The following DNAAF5 variants were observed in gnomAD, a reference collection of about 807,000 sequenced individuals.
DNAAF5 encodes HEAT repeat containing 2.
A neutral mutation model predicts 75.8 loss-of-function variants in DNAAF5; 64 were observed. The observed-to-expected ratio is 0.84, with a 90% CI of 0.69 to 1.04. The LOEUF is 1.04. Ranked by LOEUF, DNAAF5 falls within the 50% of genes least tolerant of loss-of-function variation. DNAAF5 has a pLI of 0.00. For missense variants in DNAAF5, 1,269 were observed against 1,178.5 expected, an observed-to-expected ratio of 1.08 and a Z score of -1.12; for synonymous variants, 657 against 557.2, an observed-to-expected ratio of 1.18 and a Z score of -2.52.
At chr7:782,949 C>T (rs1402419149) in intron 12 of DNAAF5, among the ~76,000 whole-genome samples, 2 of 152,284 alleles carry the variant, frequency 1.3e-5, no homozygotes, top group Non-Finnish European at 2.9e-5. Flanking sequence ...AAACTCGGAT[C>T]GTCCTGGGGT....
intron 9 of DNAAF5, chr7:772,667 G>A: frequency 6.6e-6 from 1 of 152,466 alleles, no homozygotes; most frequent in Non-Finnish European, 1.5e-5. Flanking sequence ...GGACTATAGT[G>A]TCTTGGGGTC....
chr7:766,489 G>A (rs1562393374), intron 8 of DNAAF5, among the ~76,000 whole-genome samples: 2 of 152,106 alleles, frequency 1.3e-5, no homozygotes, highest in South Asian at 2.1e-4. Flanking sequence ...GAGGATGGGG[G>A]ATCTACAAAG....
chr7:784,623 T>G (rs1779091376), intron 12 of DNAAF5, among the ~76,000 whole-genome samples: 1 of 152,118 alleles, frequency 6.6e-6, no homozygotes, highest in African/African-American at 2.4e-5. Flanking sequence ...GCCTTCCTGA[T>G]TTTCATCATC....
intron 4 of DNAAF5, among the ~76,000 whole-genome samples, chr7:751,510 A>G (rs1782293025): frequency 6.6e-6 from 1 of 151,836 alleles, no homozygotes; most frequent in African/African-American, 2.4e-5. Context: ...TAAAAATAGA[A>G]AAAGACCCTT....
At chr7:752,123 C>T (rs989630696) in intron 4 of DNAAF5, among the ~76,000 whole-genome samples, 1 of 152,200 alleles carries the variant, frequency 6.6e-6, no homozygotes, top group Non-Finnish European at 1.5e-5. Context: ...CGCCCGCACG[C>T]GGACCACTGA....
intron 11 of DNAAF5, among the ~76,000 whole-genome samples, chr7:776,015 AGTTTGATG>A (rs886499475): frequency 1.3e-5 from 2 of 152,176 alleles, no homozygotes; most frequent in Admixed American, 1.3e-4. Context: ...ACTGTATTTA[AGTTTGATG>A]GTGGCTTGTT....
intron 6 of DNAAF5, among the ~76,000 whole-genome samples, 194 bp downstream of exon 6, chr7:757,188 C>T (rs1230218171): frequency 6.6e-6 from 1 of 152,258 alleles, no homozygotes; most frequent in African/African-American, 2.4e-5. Flanking sequence ...AACCGGAGTG[C>T]CCTCGCTGAT....
At chr7:746,932 C>G (rs182243392) in intron 4 of DNAAF5, among the ~76,000 whole-genome samples, 1 of 152,332 alleles carries the variant, frequency 6.6e-6, no homozygotes, top group Non-Finnish European at 1.5e-5. Context: ...CTGCTCTTTC[C>G]TCTCTGTGTC....
At position 754,632 on chromosome 7, in the gene DNAAF5, C is replaced by A. The variant is rs1399794302; in HGVS notation, c.1068C>A (p.Asn356Lys). The A allele has an allele frequency of 1.9e-6, 3 of 1,614,050 alleles. No homozygotes were observed. The highest frequency in any genetic ancestry group is 1.1e-5 in the South Asian group (1 of 91,090). Residue 356 changes from asparagine (N) to lysine (K), a missense_variant, in exon 5 of 13, where the codon AAC becomes AAA. Transcript: ENST00000297440. The surrounding 1 kb of genome is among the most constrained non-coding windows in gnomAD (Gnocchi z 4.8). ...GCTGCCGGGAGCTCGTCTTCAGGAA[C>A]CTCTCCAAGATCCTCCCTGCCCTGT... ...VLGCRELVFR[N>K]LSKILPALCH...
chr7:779,823 C>A, intron 11 of DNAAF5, 130 bp from the exon 12 acceptor site: 1 of 749,376 alleles, frequency 1.3e-6, no homozygotes, highest in South Asian at 1.8e-5. Flanking sequence ...CGGAGTCTCC[C>A]GTGAGGTGTG....
Position 729,648 on chromosome 7 carries a change from C to T in DNAAF5, c.596-15C>T, listed in dbSNP as rs1781498979. 2 of 1,608,676 alleles carry T rather than the reference C, an allele frequency of 1.2e-6. No individual in the cohort carries two copies. The highest frequency in any genetic ancestry group is 1.7e-6 in the Non-Finnish European group (2 of 1,176,478). On this transcript the variant is annotated splice_polypyrimidine_tract_variant and intron_variant, in intron 1 of 12. Transcript: ENST00000297440. ...GGGAGCAGCTCTGGTAACTGGGGGCCTCCCTGTCCCTCAGACCACTTCCAC... is the reference window on the plus strand; with the variant it reads ...GGGAGCAGCTCTGGTAACTGGGGGCTTCCCTGTCCCTCAGACCACTTCCAC...
At chr7:780,864 A>G (rs1336129826) in intron 12 of DNAAF5, among the ~76,000 whole-genome samples, 1 of 136,354 alleles carries the variant, frequency 7.3e-6, no homozygotes, top group Admixed American at 7.3e-5. Flanking sequence ...GTTGGTGAAT[A>G]TAATGACGTT....
chr7:757,403 C>T (rs994500459), intron 6 of DNAAF5, among the ~76,000 whole-genome samples: 2 of 152,234 alleles, frequency 1.3e-5, no homozygotes, highest in African/African-American at 4.8e-5. Flanking sequence ...GGGTCCACGT[C>T]ATCCCACCCC....
At chr7:784,754 A>G (rs1001943764) in intron 12 of DNAAF5, among the ~76,000 whole-genome samples, 3 of 152,178 alleles carry the variant, frequency 2.0e-5, no homozygotes, top group Admixed American at 6.5e-5. Flanking sequence ...CGCAAATTGG[A>G]TAAGAAAGTC....
Position 785,584 on chromosome 7 carries a change from C to T in DNAAF5, c.2499C>T (p.His833=). 6.2e-7 allele frequency: 1 copy of T among 1,613,368 alleles called. No homozygotes were observed. The highest frequency in any genetic ancestry group is 8.5e-7 in the Non-Finnish European group (1 of 1,180,008). Residue 833 remains histidine (H), a synonymous_variant, in exon 13 of 13, where the codon CAC becomes CAT. Coordinates refer to ENST00000297440, the MANE Select transcript of DNAAF5 (RefSeq NM_017802.4). ...TGAGGGAGACGGAGGCCGTCATCCACAAGCACCGCTCGGCCACCTACTGCG... is the reference window on the plus strand; with the variant it reads ...TGAGGGAGACGGAGGCCGTCATCCATAAGCACCGCTCGGCCACCTACTGCG... ...LLVRETEAVI[H]KHRSATYCEQ... is the part of the protein sequence containing the mutation.
At chr7:749,255 G>C (rs969333509) in intron 4 of DNAAF5, among the ~76,000 whole-genome samples, 4 of 152,234 alleles carry the variant, frequency 2.6e-5, no homozygotes, top group Non-Finnish European at 5.9e-5. Flanking sequence ...GCCAGCAGCA[G>C]ATGGCTTGGT....
rs777468194 is a variant in DNAAF5, at chr7:779,976, G to A, written c.2263G>A (p.Val755Met). 5.8e-5 allele frequency: 93 copies of A among 1,614,004 alleles called. 2 individuals are homozygous for A. The highest frequency in any genetic ancestry group is 4.0e-4 in the South Asian group (36 of 91,070). The stretch of plus-strand genomic sequence containing the variant: ...AGAACTCTTAAAACGCCTAGATGAC[G>A]TGTCCAACGATGTGAGGATGGCAGC... The part of the protein sequence containing the change: ...YPELLKRLDD[V>M]SNDVRMAAAS... The change falls in exon 12 of 13, where the codon GTG becomes ATG. Residue 755 changes from valine (V) to methionine (M), a missense_variant. By Grantham distance (21) the Val-to-Met change is conservative (BLOSUM62 1). Coordinates refer to ENST00000297440, the MANE Select transcript of DNAAF5 (RefSeq NM_017802.4).
chr7:766,201 G>A lies in DNAAF5; in HGVS notation c.1783+2227G>A, dbSNP rs192933745. On this transcript the variant is annotated intron_variant, in intron 8 of 12. Coordinates refer to ENST00000297440, the MANE Select transcript of DNAAF5 (RefSeq NM_017802.4). ...GAGCGCACACATGTGTGGTGCTCTT[G>A]GGAGTCGGGGGCACAGCCTCAAATA... Among the ~76,000 whole-genome samples, 231 of 152,304 alleles carry A rather than the reference G, an allele frequency of 1.5e-3. 1 individual carries two copies. The highest frequency in any genetic ancestry group is 5.0e-3 in the African/African-American group (206 of 41,574).
chr7:758,027 T>C (rs931695422), intron 6 of DNAAF5, among the ~76,000 whole-genome samples: 3 of 152,240 alleles, frequency 2.0e-5, no homozygotes, highest in African/African-American at 4.8e-5. Flanking sequence ...CTGGAATACA[T>C]AGAGGGAAGG....
Sources: gnomAD v4.1 joint callset for allele counts (sites outside exome capture counted in the v4.1 genomes callset) on GRCh38, gnomAD v4.1.1 for gene constraint, Gnocchi (gnomAD v3.1) non-coding constraint, MANE v1.5 for transcripts, NCBI Gene and HGNC (gene_info 2026-07-23, HGNC 2026-07-21) for gene names.